PLA2G4F: variants seen among roughly 807,000 people sequenced by gnomAD.
PLA2G4F encodes the protein phospholipase A2 group IVF.
In PLA2G4F, 105 loss-of-function variants were observed where a neutral mutation model predicts 103.1. The observed-to-expected ratio is 1.02, with a 90% CI of 0.87 to 1.20. The LOEUF is 1.20. Among genes scored for constraint, PLA2G4F ranks in the 50% most tolerant of loss-of-function variants. The pLI, the probability that PLA2G4F is intolerant of heterozygous loss-of-function variation, is 0.00. For missense variants in PLA2G4F, 1,155 were observed against 1,075.9 expected (o/e 1.07, Z -1.03); for synonymous variants, 468 against 441.1 (o/e 1.06, Z -0.76).
Position 42,148,806 on chromosome 15 carries a change from C to A in PLA2G4F, c.1059+907G>T, listed in dbSNP as rs947189971. ...TCCACTCTGGATTTTTGTTCTTTTC[C>A]CTGTTCTCTTTTCGTCTCCTGTCTT... On this transcript the variant is annotated intron_variant, in intron 11 of 19. Transcript: ENST00000397272. 19 of 985,232 alleles carry A rather than the reference C, an allele frequency of 1.9e-5. No homozygotes were observed. In the African/African-American group the frequency reaches 3.3e-4, roughly 17 times the overall value. 61.0% of individuals were successfully genotyped at this position (985,232 alleles called of 1,614,324 possible).
Position 42,141,396 on chromosome 15 carries a change from G to A in PLA2G4F, c.*588C>T, listed in dbSNP as rs757970864. 4 of 456,132 alleles carry A rather than the reference G, an allele frequency of 8.8e-6. No individual in the cohort carries two copies. The highest frequency in any genetic ancestry group is 6.2e-5 in the South Asian group (4 of 64,514). 28.3% of individuals were successfully genotyped at this position (456,132 alleles called of 1,614,324 possible). On this transcript the variant is annotated 3_prime_UTR_variant, in exon 20 of 20. Coordinates refer to ENST00000397272, the MANE Select transcript of PLA2G4F (RefSeq NM_213600.4). ...CTGGGAAGAGAAGGGTGATCTGGGA[G>A]GAGGCACGAGGAGACCAGAAGGCAG...
intron 12 of PLA2G4F, 45 bp from the exon 13 acceptor site, chr15:42,147,391 C>A: frequency 6.4e-7 from 1 of 1,556,974 alleles, no homozygotes; most frequent in Non-Finnish European, 8.7e-7. Context: ...GAGAGCACAG[C>A]CACGGGAGAG....
In PLA2G4F at chr15:42,142,701, G is replaced by A; in HGVS notation, c.2156C>T (p.Thr719Ile). 2 of 1,613,964 alleles carry A rather than the reference G, an allele frequency of 1.2e-6. No homozygotes were observed. The highest frequency in any genetic ancestry group is 1.1e-5 in the South Asian group (1 of 91,060). The change falls in exon 19 of 20, where the codon ACA (threonine) becomes ATA (isoleucine). Residue 719 changes from threonine to isoleucine, a missense_variant. Thr to Ile is a moderately conservative substitution (Grantham distance 89). This residue lies in a region of PLA2G4F where 782 missense variants were observed against 692.9 expected (regional missense o/e 1.13). Transcript: ENST00000397272. ...TCCTCGGTCCAGGCAGTACTTCTCT[G>A]TCATCTTCAAGACCTGAGCAGGAGC... ...LEAPFEVLKMTEKYCLDRGIP... is the reference protein window; with the variant it reads ...LEAPFEVLKMIEKYCLDRGIP...
intron 11 of PLA2G4F, 52 bp from the exon 12 acceptor site, chr15:42,147,814 G>T (rs760035866): frequency 1.6e-5 from 25 of 1,605,262 alleles, no homozygotes; most frequent in Non-Finnish European, 1.9e-5. Context: ...CGTCATTGAC[G>T]TATTACTGCC....
chr15:42,148,569 G>T, intron 11 of PLA2G4F: 1 of 946,714 alleles, frequency 1.1e-6, no homozygotes, highest in Non-Finnish European at 1.3e-6. Flanking sequence ...CTCTACACAT[G>T]GATGAATGTC....
Position 42,152,759 on chromosome 15 carries a change from G to T in PLA2G4F, c.535-5C>A. 1 of 1,553,834 alleles carries T rather than the reference G, an allele frequency of 6.4e-7. No homozygotes were observed. On this transcript the variant is annotated splice_polypyrimidine_tract_variant and splice_region_variant and intron_variant, in intron 6 of 19. Transcript: ENST00000397272. ...GATTCTCAGACAGGGGTGAGCCTGA[G>T]GAAAGCAGAGGCCTGTAGGAGCCAG...
intron 12 of PLA2G4F, 55 bp from the exon 13 acceptor site, chr15:42,147,401 G>T (rs1386305776): frequency 6.6e-7 from 1 of 1,522,760 alleles, no homozygotes; most frequent in African/African-American, 1.4e-5. Flanking sequence ...CCACGGGAGA[G>T]AGGGGTGCAG....
At position 42,149,855 on chromosome 15, in the gene PLA2G4F, C is replaced by T. The variant is rs2048935744; in HGVS notation, c.924-7G>A. ...TAGGTCTAGGTCCCCGGAGCTGCCT[C>T]AAGTAGGGTGGGGTGGCGGTGGGGG... On this transcript the variant is annotated splice_region_variant and splice_polypyrimidine_tract_variant and intron_variant, in intron 10 of 19. Transcript: ENST00000397272. The T allele has an allele frequency of 1.2e-6, 2 of 1,614,058 alleles. No individual in the cohort carries two copies. The highest frequency in any genetic ancestry group is 1.7e-6 in the Non-Finnish European group (2 of 1,179,944).
Position 42,154,309 on chromosome 15 carries a change from G to A in PLA2G4F, c.321+13C>T. On this transcript the variant is annotated intron_variant, in intron 3 of 19. Transcript: ENST00000397272. ...GTTCCCCTCCCGCAGCCTGGCCCCT[G>A]GCTGGCCCTCACCTTCACAGCACCA... The A allele has an allele frequency of 6.2e-7, 1 of 1,608,890 alleles. No homozygotes were observed. Among genetic ancestry groups the A allele is most frequent in the Non-Finnish European group, 8.5e-7 (1 of 1,176,256 alleles).
At position 42,142,140 on chromosome 15, in the gene PLA2G4F, G is replaced by A. The variant is rs1486007062; in HGVS notation, c.2394C>T (p.Thr798=). Residue 798 remains threonine, a synonymous_variant, in exon 20 of 20, where the codon ACC becomes ACT. Transcript: ENST00000397272. ...FGDFVINRPD[T]PYGMMNFTYE... is the part of the protein sequence containing the mutation. ...AGGTGAAGTTCATCATGCCATAGGGGGTGTCTGGCCTGTTGATGACAAAGT... is the reference window on the plus strand; with the variant it reads ...AGGTGAAGTTCATCATGCCATAGGGAGTGTCTGGCCTGTTGATGACAAAGT... The A allele has an allele frequency of 3.7e-6, 6 of 1,614,220 alleles. No individual in the cohort carries two copies. The highest frequency in any genetic ancestry group is 1.3e-5 in the African/African-American group (1 of 75,050).
In PLA2G4F at chr15:42,154,453, T is replaced by C; in HGVS notation, c.190A>G (p.Lys64Glu). Residue 64 changes from lysine to glutamate, a missense_variant, in exon 3 of 20, where the codon AAA becomes GAA. By Grantham distance (56) the Lys-to-Glu change is moderately conservative. Transcript: ENST00000397272. ...TNIRGTDLLS[K>E]ADCYVQLWLP... ...CACAGTTGCACATAGCAGTCGGCTT[T>C]GGACACTGCAGGTAGGACAGGGAGG... 1 of 1,585,586 alleles carries C rather than the reference T, an allele frequency of 6.3e-7. No homozygotes were observed. The highest frequency in any genetic ancestry group is 8.6e-7 in the Non-Finnish European group (1 of 1,163,384).
Position 42,142,273 on chromosome 15 carries a change from A to G in PLA2G4F, c.2330-69T>C, listed in dbSNP as rs568978014. ...TGTGGAACTGGCTGGAACAGCCCAG[A>G]AGTCTTCCTTGTGCAGGACACCTGG... On this transcript the variant is annotated intron_variant, in intron 19 of 19. Transcript: ENST00000397272. 16 of 1,431,182 alleles carry G rather than the reference A, an allele frequency of 1.1e-5. No homozygotes were observed. The East Asian group carries it at 2.8e-4, about 25-fold the overall frequency. 88.7% of individuals were successfully genotyped at this position (1,431,182 alleles called of 1,614,324 possible). A position where few individuals can be genotyped will look rare whatever the true frequency, so the allele number is the denominator to read the frequency against.
At chr15:42,148,757 C>T (rs2140808576) in intron 11 of PLA2G4F, 1 of 985,400 alleles carries the variant, frequency 1.0e-6, no homozygotes, top group African/African-American at 1.7e-5. Flanking sequence ...GGTTGCTTAG[C>T]TTTCCCAGTA....
chr15:42,144,027 G>T lies in PLA2G4F; in HGVS notation c.2093C>A (p.Ala698Glu). The change falls in exon 18 of 20, where the codon GCA becomes GAA. Residue 698 changes from alanine (A) to glutamate (E), a missense_variant. Physicochemically the swap from Ala to Glu is moderately radical, Grantham distance 107 (BLOSUM62 -1). Around this residue, in one of 3 missense-constraint regions of PLA2G4F, gnomAD observed 782 missense variants for 692.9 expected, o/e 1.13. Coordinates refer to ENST00000397272, the MANE Select transcript of PLA2G4F (RefSeq NM_213600.4). ...PFPLALLPQR[A>E]VDLILSFDYS... ...GTCAAAGGACAGAATGAGGTCCACT[G>T]CTCTCTGAGGCAGCAGAGCCAGTGG... 1.2e-6 allele frequency: 2 copies of T among 1,613,980 alleles called. No homozygotes were observed. The highest frequency in any genetic ancestry group is 1.7e-6 in the Non-Finnish European group (2 of 1,179,954).
At position 42,141,193 on chromosome 15, in the gene PLA2G4F, A is replaced by T. The variant is rs184301640; in HGVS notation, c.*791T>A. ...ATGAACTGATGCCCCTACTAGACACACCCATTTAGCTCCTAGGAATGGTGA... is the reference window on the plus strand; with the variant it reads ...ATGAACTGATGCCCCTACTAGACACTCCCATTTAGCTCCTAGGAATGGTGA... On this transcript the variant is annotated 3_prime_UTR_variant, in exon 20 of 20. Coordinates refer to ENST00000397272, the MANE Select transcript of PLA2G4F (RefSeq NM_213600.4). 3.1e-3 allele frequency: 1,406 copies of T among 456,028 alleles called. 34 individuals are homozygous for T. The highest frequency in any genetic ancestry group is 1.0e-3 in the Non-Finnish European group (226 of 226,612). The allele number at this position is 456,028 out of a possible 1,614,324, so 28.2% of individuals were successfully genotyped here. A position where few individuals can be genotyped will look rare whatever the true frequency, so the allele number is the denominator to read the frequency against.
At chr15:42,149,238 T>C (rs766649802) in intron 11 of PLA2G4F, 70 of 900,292 alleles carry the variant, frequency 7.8e-5, no homozygotes, top group Non-Finnish European at 8.6e-5. Context: ...AAGGAGGTAA[T>C]AAAGGTGAAG....
intron 19 of PLA2G4F, 111 bp downstream of exon 19, chr15:42,142,417 C>T: frequency 1.5e-6 from 2 of 1,349,496 alleles, no homozygotes; most frequent in Non-Finnish European, 2.0e-6. Flanking sequence ...CAGCTCAGGC[C>T]CACCAGGAGG....
rs1416865872 is a variant in PLA2G4F at position 42,141,828 on chromosome 15, C to T, written c.*156G>A. 12 of 739,392 alleles carry T rather than the reference C, an allele frequency of 1.6e-5. No homozygotes were observed. Among genetic ancestry groups the T allele is most frequent in the Non-Finnish European group, 2.4e-5 (11 of 455,356 alleles). 45.8% of individuals were successfully genotyped at this position (739,392 alleles called of 1,614,324 possible). Reference sequence around the variant, plus strand: ...CCCTGCCCCAGTCCAAGCTGCAATTCTGCAAGAGCTTTCCGGGGCCTGGGG... The same window carrying T: ...CCCTGCCCCAGTCCAAGCTGCAATTTTGCAAGAGCTTTCCGGGGCCTGGGG... On this transcript the variant is annotated 3_prime_UTR_variant, in exon 20 of 20. Transcript: ENST00000397272.
chr15:42,155,237 GTATA>G (rs771061778), intron 2 of PLA2G4F, among the ~76,000 whole-genome samples: 1 of 150,766 alleles, frequency 6.6e-6, no homozygotes, highest in African/African-American at 2.4e-5. Context: ...TTGCACGCAT[GTATA>G]TACACACTCG....
Sources: gnomAD v4.1 joint callset for allele counts (sites outside exome capture counted in the v4.1 genomes callset) on GRCh38, gnomAD v4.1.1 for gene constraint, gnomAD v4.1.1 regional missense constraint, MANE v1.5 for transcripts, NCBI Gene and HGNC (gene_info 2026-07-23, HGNC 2026-07-21) for gene names.